The following GPR141 variants were observed in gnomAD, a reference collection of about 807,000 sequenced individuals.
The protein encoded by GPR141 is G protein-coupled receptor 141.
A neutral mutation model predicts 6.8 loss-of-function variants in GPR141; 6 were observed. That is an observed-to-expected ratio of 0.88 (90% confidence interval 0.48 to 1.74). GPR141 has a LOEUF of 1.74. Ranked by LOEUF, GPR141 falls within the 40% of genes most tolerant of loss-of-function variation. The pLI is 0.01. For missense variants in GPR141, 372 were observed against 372.9 expected, an observed-to-expected ratio of 1.00 and a Z score of 0.02; for synonymous variants, 140 against 142.3, an observed-to-expected ratio of 0.98 and a Z score of 0.11.
intron 2 of GPR141, among the ~76,000 whole-genome samples, chr7:37,724,365 G>A (rs549238686): frequency 7.7e-4 from 117 of 152,224 alleles, no homozygotes; most frequent in African/African-American, 2.6e-3. Context: ...GAAATAGGAT[G>A]TACAGAGGAG....
chr7:37,741,347 A>G lies in GPR141; in HGVS notation c.*36A>G, dbSNP rs369583870. The G allele has an allele frequency of 6.8e-7, 1 of 1,460,792 alleles. No homozygotes were observed. The highest frequency in any genetic ancestry group is 1.4e-5 in the African/African-American group (1 of 70,872). 90.5% of individuals were successfully genotyped at this position (1,460,792 alleles called of 1,614,324 possible). ...CAGTATTCATATTTGCTTCCTTTAT[A>G]TTGGGAATAAAAATGGGTATAGGGG... On this transcript the variant is annotated 3_prime_UTR_variant, in exon 3 of 3. Transcript: ENST00000334425.
chr7:37,699,183 T>G (rs759393911), intron 2 of GPR141, among the ~76,000 whole-genome samples: 1 of 152,112 alleles, frequency 6.6e-6, no homozygotes, highest in Non-Finnish European at 1.5e-5. Context: ...AGATAGTAAA[T>G]ATTTGTGGTT....
Position 37,741,349 on chromosome 7 carries a change from T to C in GPR141, c.*38T>C. 6.9e-7 allele frequency: 1 copy of C among 1,456,758 alleles called. No homozygotes were observed. Among genetic ancestry groups the C allele is most frequent in the Non-Finnish European group, 9.3e-7 (1 of 1,074,360 alleles). The allele number at this position is 1,456,758 out of a possible 1,614,324, so 90.2% of individuals were successfully genotyped here. On this transcript the variant is annotated 3_prime_UTR_variant, in exon 3 of 3. Transcript: ENST00000334425. Reference sequence around the variant, plus strand: ...GTATTCATATTTGCTTCCTTTATATTGGGAATAAAAATGGGTATAGGGGAG... The same window carrying C: ...GTATTCATATTTGCTTCCTTTATATCGGGAATAAAAATGGGTATAGGGGAG...
At chr7:37,691,132 T>C (rs1333992402) in intron 2 of GPR141, among the ~76,000 whole-genome samples, 1 of 152,138 alleles carries the variant, frequency 6.6e-6, no homozygotes, top group Non-Finnish European at 1.5e-5. Flanking sequence ...TAGTTACTCC[T>C]GCTCACGTTT....
At chr7:37,723,194 T>C (rs1002265073) in intron 2 of GPR141, among the ~76,000 whole-genome samples, 2 of 151,988 alleles carry the variant, frequency 1.3e-5, no homozygotes, top group Non-Finnish European at 2.9e-5. Flanking sequence ...GATTTCACCA[T>C]GTTGGCCATG....
intron 2 of GPR141, among the ~76,000 whole-genome samples, chr7:37,700,440 T>G (rs1162516950): frequency 1.3e-5 from 2 of 152,154 alleles, no homozygotes; most frequent in African/African-American, 2.4e-5. Flanking sequence ...ACCGCCACCA[T>G]GTCAGATTGT....
chr7:37,689,914 C>A (rs114100362), intron 2 of GPR141, among the ~76,000 whole-genome samples: 142 of 149,750 alleles, frequency 9.5e-4, no homozygotes, highest in Middle Eastern at 3.4e-3. Flanking sequence ...CTGCTCCGAT[C>A]GTTATTATTT....
intron 2 of GPR141, among the ~76,000 whole-genome samples, chr7:37,695,272 C>T (rs1809962769): frequency 6.6e-6 from 1 of 152,140 alleles, no homozygotes; most frequent in African/African-American, 2.4e-5. Flanking sequence ...TAGCTCCATG[C>T]CCCTGGAGCA....
chr7:37,706,431 A>G (rs1314422257), intron 2 of GPR141, among the ~76,000 whole-genome samples: 1 of 152,228 alleles, frequency 6.6e-6, no homozygotes, highest in African/African-American at 2.4e-5. Context: ...GCATTTATCC[A>G]GATTCAAGAA....
chr7:37,689,829 A>G (rs9942693), intron 2 of GPR141, among the ~76,000 whole-genome samples: 63,055 of 150,502 alleles, frequency 0.42, 13,677 homozygotes, highest in African/African-American at 0.51. Context: ...TGTCAATTTC[A>G]TTTATATTTT....
intron 2 of GPR141, among the ~76,000 whole-genome samples, chr7:37,704,735 G>T (rs758678027): frequency 1.3e-5 from 2 of 152,128 alleles, no homozygotes; most frequent in Non-Finnish European, 2.9e-5. Context: ...TAACAGGAAA[G>T]ATCTAAGTCT....
chr7:37,706,975 T>A (rs745532110), intron 2 of GPR141, among the ~76,000 whole-genome samples: 1 of 151,976 alleles, frequency 6.6e-6, no homozygotes, highest in Non-Finnish European at 1.5e-5. Flanking sequence ...TACGTTTTCT[T>A]CTCTTCCACG....
Position 37,731,000 on chromosome 7 carries a change from C to T in GPR141, c.-14-9380C>T, listed in dbSNP as rs548566079. The stretch of plus-strand genomic sequence containing the variant: ...AATTAATAGACTAGGAAATATTTAA[C>T]GGTCTAAGTTCAAACAAATATGTTT... On this transcript the variant is annotated intron_variant, in intron 2 of 2. Coordinates refer to ENST00000334425, the MANE Select transcript of GPR141 (RefSeq NM_001381946.1). Among the ~76,000 whole-genome samples the T allele has an allele frequency of 5.9e-5, 9 of 152,248 alleles. No individual in the cohort carries two copies. In the South Asian group the frequency reaches 1.0e-3, roughly 18 times the overall value.
intron 2 of GPR141, among the ~76,000 whole-genome samples, chr7:37,687,353 T>C (rs933978122): frequency 3.9e-5 from 6 of 152,172 alleles, no homozygotes; most frequent in Non-Finnish European, 8.8e-5. Context: ...TTGTATATAG[T>C]TGGTGTCATG....
chr7:37,726,741 A>G (rs1483650311), intron 2 of GPR141, among the ~76,000 whole-genome samples: 2 of 152,214 alleles, frequency 1.3e-5, no homozygotes, highest in Non-Finnish European at 2.9e-5. Context: ...AACCACATAC[A>G]ATGGTCAAGA....
intron 2 of GPR141, among the ~76,000 whole-genome samples, chr7:37,703,564 A>G (rs1251176743): frequency 6.6e-6 from 1 of 152,208 alleles, no homozygotes; most frequent in African/African-American, 2.4e-5. Context: ...ATAGTTGCTA[A>G]GAAACAGAAT....
intron 2 of GPR141, among the ~76,000 whole-genome samples, chr7:37,724,369 AGAG>A (rs1354817864): frequency 6.6e-6 from 1 of 152,190 alleles, no homozygotes; most frequent in Non-Finnish European, 1.5e-5. Flanking sequence ...TAGGATGTAC[AGAG>A]GAGGAGGACT....
chr7:37,705,391 A>G (rs1217418768), intron 2 of GPR141, among the ~76,000 whole-genome samples: 1 of 152,224 alleles, frequency 6.6e-6, no homozygotes, highest in Non-Finnish European at 1.5e-5. Context: ...TAGAGAATGT[A>G]TTCTCCATTT....
chr7:37,733,596 C>T (rs988813434), intron 2 of GPR141, among the ~76,000 whole-genome samples: 1 of 146,360 alleles, frequency 6.8e-6, no homozygotes, highest in Non-Finnish European at 1.5e-5. Flanking sequence ...CACTTGAAGC[C>T]GGGAGGCGGA....
Sources: allele counts gnomAD v4.1 joint callset (sites outside exome capture counted in the v4.1 genomes callset), GRCh38; gene constraint gnomAD v4.1.1; transcripts MANE v1.5; gene names NCBI Gene and HGNC (gene_info 2026-07-23, HGNC 2026-07-21).